The following COL4A6 variants were observed in gnomAD, a reference collection of about 807,000 sequenced individuals.
COL4A6 encodes the protein collagen type IV alpha 6 chain.
In COL4A6, 59 loss-of-function variants were observed where a neutral mutation model predicts 126.7. The ratio of observed to expected loss-of-function variants is 0.47; its 90% CI spans 0.38 to 0.58. The LOEUF (loss-of-function observed/expected upper bound fraction) is 0.58, where lower values mean the gene tolerates loss of function less well. Ranked by LOEUF, COL4A6 falls within the 20% of genes least tolerant of loss-of-function variation. COL4A6 has a pLI of 0.00. For missense variants in COL4A6, 1,285 were observed against 1,337.3 expected, an observed-to-expected ratio of 0.96 and a Z score of 0.61; for synonymous variants, 547 against 496.6, an observed-to-expected ratio of 1.10 and a Z score of -1.35.
chrX:108,341,710 G>C (rs2039569811), intron 2 of COL4A6, among the ~76,000 whole-genome samples: 1 of 111,194 alleles, frequency 9.0e-6, no homozygotes. Flanking sequence ...TTCTACCGCT[G>C]AAAAATTTTT....
Position 108,190,504 on chromosome X carries a change from T to TAA in COL4A6, c.1322-10_1322-9dup. On this transcript the variant is annotated splice_polypyrimidine_tract_variant and intron_variant, in intron 19 of 44. Transcript: ENST00000334504. ...CAGTCTCAAATTCTGGACCTTTGGG[T>TAA]AAAAAAAAGATAAAGGATTAGCAAC... The TAA allele has an allele frequency of 8.9e-7, 1 of 1,125,504 alleles. No individual in the cohort carries two copies. Among genetic ancestry groups the TAA allele is most frequent in the African/African-American group, 1.8e-5 (1 of 55,312 alleles). The allele number at this position is 1,125,504 out of a possible 1,213,427, so 92.8% of individuals were successfully genotyped here. A position where few individuals can be genotyped will look rare whatever the true frequency, so the allele number is the denominator to read the frequency against.
chrX:108,269,263 G>A (rs1438988832), intron 3 of COL4A6: 1 of 297,710 alleles, frequency 3.4e-6, no homozygotes, highest in Non-Finnish European at 6.4e-6. Flanking sequence ...GTTCGTGAGA[G>A]CAAAGCACAC....
intron 2 of COL4A6, among the ~76,000 whole-genome samples, chrX:108,344,314 A>G (rs957223950): frequency 1.8e-5 from 2 of 111,567 alleles, no homozygotes; most frequent in African/African-American, 6.5e-5. Context: ...CAGCCAAAGA[A>G]CAAAGCAACC....
At chrX:108,163,092 G>A (rs2034014717) in intron 40 of COL4A6, 54 bp from the exon 41 acceptor site, 22 of 1,123,591 alleles carry the variant, frequency 2.0e-5, no homozygotes, top group Admixed American at 2.9e-5. Flanking sequence ...GGGAGGTGAC[G>A]GGGGCCCCAG....
chrX:108,196,970 A>G (rs1452832101), intron 13 of COL4A6, among the ~76,000 whole-genome samples: 2 of 112,127 alleles, frequency 1.8e-5, no homozygotes, highest in Non-Finnish European at 3.8e-5. Context: ...TTCCATTAAA[A>G]CAAGCTGCCT....
At chrX:108,211,918 G>C (rs537431912) in intron 6 of COL4A6, among the ~76,000 whole-genome samples, 178 bp from the exon 7 acceptor site, 2 of 111,921 alleles carry the variant, frequency 1.8e-5, no homozygotes, top group African/African-American at 6.5e-5. Context: ...CTCTGATTCA[G>C]AGCTATATGC....
rs775953906 is a variant in COL4A6 at position 108,191,432 on chromosome X, C to G, written c.1282G>C (p.Asp428His). The change falls in exon 19 of 45, where the codon GAT becomes CAT. Residue 428 changes from aspartate (D) to histidine (H), a missense_variant. Transcript: ENST00000334504. ...TIGAAGLPGR[D>H]GLPGPPGPPG... is the part of the protein sequence containing the mutation. ...GGACCTGGTGGGCCTGGCAAACCAT[C>G]TCTGCCAGGGAGGCCAGCTGCTCCA... 19 of 1,209,437 alleles carry G rather than the reference C, an allele frequency of 1.6e-5. No homozygotes were observed. The highest frequency in any genetic ancestry group is 2.2e-5 in the Admixed American group (1 of 45,748).
chrX:108,422,465 C>CTT (rs2063997427), intron 2 of COL4A6, among the ~76,000 whole-genome samples: 1 of 111,670 alleles, frequency 9.0e-6, no homozygotes, highest in African/African-American at 3.3e-5. Context: ...AGAGACAGCA[C>CTT]TAAAAGGAAA....
intron 3 of COL4A6, among the ~76,000 whole-genome samples, chrX:108,277,125 A>G (rs1232731315): frequency 9.0e-6 from 1 of 111,581 alleles, no homozygotes; most frequent in Admixed American, 9.5e-5. Context: ...GGTTCATCTC[A>G]CTAGGGAGTG....
chrX:108,210,562 T>C (rs1270852883), intron 7 of COL4A6, among the ~76,000 whole-genome samples: 1 of 112,598 alleles, frequency 8.9e-6, no homozygotes, highest in Non-Finnish European at 1.9e-5. Context: ...CTCTTTGATA[T>C]TTGGCAAAGC....
At chrX:108,384,971 A>T (rs1262675658) in intron 2 of COL4A6, among the ~76,000 whole-genome samples, 3 of 111,315 alleles carry the variant, frequency 2.7e-5, no homozygotes, top group Non-Finnish European at 5.7e-5. Flanking sequence ...CACAGTTAGC[A>T]TGCCATCACT....
intron 13 of COL4A6, among the ~76,000 whole-genome samples, chrX:108,201,424 T>C (rs1207158510): frequency 5.4e-5 from 6 of 112,113 alleles, no homozygotes; most frequent in Non-Finnish European, 5.6e-5. Flanking sequence ...TAAAAATATA[T>C]ATATACCTAT....
At chrX:108,412,165 C>T (rs1223847245) in intron 2 of COL4A6, among the ~76,000 whole-genome samples, 2 of 111,530 alleles carry the variant, frequency 1.8e-5, no homozygotes, top group Non-Finnish European at 3.8e-5. Flanking sequence ...AATGCCTGCT[C>T]AATAAAAGGA....
intron 2 of COL4A6, among the ~76,000 whole-genome samples, chrX:108,327,829 T>C (rs917779167): frequency 2.1e-4 from 23 of 110,617 alleles, no homozygotes; most frequent in African/African-American, 7.2e-4. Context: ...TCAGTAACAC[T>C]GTTAAAAAAA....
intron 23 of COL4A6, among the ~76,000 whole-genome samples, chrX:108,185,939 G>A (rs767990196): frequency 1.6e-3 from 176 of 112,188 alleles, no homozygotes; most frequent in Non-Finnish European, 2.4e-3. Flanking sequence ...TCCAGGAAAA[G>A]GCAACATGGT....
intron 4 of COL4A6, among the ~76,000 whole-genome samples, 187 bp from the exon 5 acceptor site, chrX:108,219,929 C>A (rs888798681): frequency 3.6e-5 from 4 of 111,005 alleles, no homozygotes; most frequent in Non-Finnish European, 7.6e-5. Context: ...AGGCCTTAGA[C>A]AGGTCTTTGT....
chrX:108,218,176 G>A (rs2035914133), intron 5 of COL4A6, among the ~76,000 whole-genome samples: 2 of 112,324 alleles, frequency 1.8e-5, no homozygotes, highest in African/African-American at 6.5e-5. Context: ...GCAGGAGGAA[G>A]GGCATACTAA....
chrX:108,307,263 T>C lies in COL4A6; in HGVS notation c.144+3485A>G, dbSNP rs756693696. 1.6e-4 allele frequency among the ~76,000 whole-genome samples: 18 copies of C among 111,911 alleles called. No individual in the cohort carries two copies. The East Asian group carries it at 2.5e-3, about 16-fold the overall frequency. ...CTATGAGGCAGGTCATTTTTAAAGA[T>C]TGCCATTCTCTTAAAGTTGGCTAAA... On this transcript the variant is annotated intron_variant, in intron 3 of 44. Transcript: ENST00000334504.
intron 3 of COL4A6, among the ~76,000 whole-genome samples, chrX:108,241,582 C>G (rs1602901935): frequency 1.0e-5 from 1 of 100,025 alleles, no homozygotes; most frequent in Non-Finnish European, 2.0e-5. Context: ...TAGCCCTGAA[C>G]AAAAAGTGTT....
Sources: gnomAD v4.1 joint callset for allele counts (sites outside exome capture counted in the v4.1 genomes callset) on GRCh38, gnomAD v4.1.1 for gene constraint, MANE v1.5 for transcripts, NCBI Gene and HGNC (gene_info 2026-07-23, HGNC 2026-07-21) for gene names.